Variants in PDE4B observed in about 807,000 individuals in gnomAD.
PDE4B encodes the protein 3',5'-cyclic-AMP phosphodiesterase 4B.
Under a neutral mutation model 82.2 loss-of-function variants are expected in PDE4B, and 20 were observed. That is an observed-to-expected ratio of 0.24 (90% CI 0.17 to 0.35). The LOEUF (loss-of-function observed/expected upper bound fraction) is 0.35. PDE4B is among the 10% of genes least tolerant of loss of function. The pLI is 1.00. For missense variants in PDE4B, 655 were observed against 907.2 expected (o/e 0.72, Z 3.57); for synonymous variants, 320 against 318.9 (o/e 1.00, Z -0.04).
At chr1:66,002,512 T>C (rs1651920574) in intron 3 of PDE4B, among the ~76,000 whole-genome samples, 1 of 152,008 alleles carries the variant, frequency 6.6e-6, no homozygotes, top group Non-Finnish European at 1.5e-5. Context: ...TAAGAGATGA[T>C]GTCTATAAGA....
chr1:66,064,630 G>A (rs1468016027), intron 3 of PDE4B, among the ~76,000 whole-genome samples: 2 of 151,800 alleles, frequency 1.3e-5, no homozygotes, highest in East Asian at 1.9e-4. Context: ...TTTTCCTCAG[G>A]GCTGTTTTCC....
chr1:66,201,448 A>G (rs1648941243), intron 3 of PDE4B, among the ~76,000 whole-genome samples: 2 of 152,144 alleles, frequency 1.3e-5, no homozygotes, highest in South Asian at 4.1e-4. Flanking sequence ...TACCTCTGGT[A>G]GAATTTGGCT....
intron 3 of PDE4B, among the ~76,000 whole-genome samples, chr1:66,048,212 C>T (rs189656386): frequency 6.6e-6 from 1 of 151,892 alleles, no homozygotes; most frequent in Non-Finnish European, 1.5e-5. Flanking sequence ...GATCACTAAA[C>T]TTCCATTATC....
At chr1:65,940,814 T>C (rs1648404813) in intron 3 of PDE4B, among the ~76,000 whole-genome samples, 2 of 152,088 alleles carry the variant, frequency 1.3e-5, no homozygotes, top group South Asian at 4.1e-4. Context: ...ATTAGGTGTA[T>C]GAATCTGGGT....
Position 65,841,009 on chromosome 1 carries a change from C to T in PDE4B, c.-71+47761C>T, listed in dbSNP as rs549383520. On this transcript the variant is annotated intron_variant, in intron 1 of 16. Transcript: ENST00000341517. ...ACAATATTCGAATGAAATCATTGTACTTAGAGGCCAGGCACGGTTGTTTAC... is the reference window on the plus strand; with the variant it reads ...ACAATATTCGAATGAAATCATTGTATTTAGAGGCCAGGCACGGTTGTTTAC... Among the ~76,000 whole-genome samples, 4 of 152,184 alleles carry T rather than the reference C, an allele frequency of 2.6e-5. No individual in the cohort carries two copies. The South Asian group carries it at 8.3e-4, about 32-fold the overall frequency.
intron 1 of PDE4B, among the ~76,000 whole-genome samples, chr1:65,866,764 A>G (rs551990202): frequency 7.0e-4 from 107 of 152,358 alleles, no homozygotes; most frequent in Non-Finnish European, 1.1e-3. Flanking sequence ...CTGCTGGAGA[A>G]ATGGTATCTT....
Position 66,332,533 on chromosome 1 carries a change from G to A in PDE4B, c.660G>A (p.Met220Ile), listed in dbSNP as rs1444594808. Residue 220 changes from methionine (M) to isoleucine (I), a missense_variant, in exon 8 of 17, where the codon ATG (methionine) becomes ATA (isoleucine). Around this residue, in one of 3 missense-constraint regions of PDE4B, gnomAD observed 253 missense variants for 275.6 expected, o/e 0.92. Transcript: ENST00000341517. ...AAGAATCTTATCAAAAATTAGCAATGGAAACGCTGGAGGAATTAGACTGGT... is the reference window on the plus strand; with the variant it reads ...AAGAATCTTATCAAAAATTAGCAATAGAAACGCTGGAGGAATTAGACTGGT... ...PQEESYQKLA[M>I]ETLEELDWCL... The A allele has an allele frequency of 6.2e-7, 1 of 1,614,132 alleles. No individual in the cohort carries two copies. Among genetic ancestry groups the A allele is most frequent in the Admixed American group, 1.7e-5 (1 of 60,026 alleles).
chr1:66,280,002 A>G (rs973701415), intron 7 of PDE4B, among the ~76,000 whole-genome samples: 1 of 152,222 alleles, frequency 6.6e-6, no homozygotes, highest in African/African-American at 2.4e-5. Flanking sequence ...AAGTCAGCAC[A>G]TACAACTAAT....
chr1:66,279,324 AAGG>A (rs768653947), intron 7 of PDE4B, among the ~76,000 whole-genome samples: 1 of 152,136 alleles, frequency 6.6e-6, no homozygotes, highest in Non-Finnish European at 1.5e-5. Flanking sequence ...AGCCAAGAGG[AAGG>A]AGGAGTACTT....
intron 3 of PDE4B, among the ~76,000 whole-genome samples, chr1:66,068,388 CAGAATTGATGA>C (rs1244918726): frequency 6.6e-6 from 1 of 151,868 alleles, no homozygotes; most frequent in African/African-American, 2.4e-5. Flanking sequence ...AATATAGAAA[CAGAATTGATGA>C]AGAATTGATA....
At chr1:66,204,922 C>T (rs961232871) in intron 3 of PDE4B, among the ~76,000 whole-genome samples, 1 of 152,206 alleles carries the variant, frequency 6.6e-6, no homozygotes, top group Non-Finnish European at 1.5e-5. Context: ...GCAGAAATCA[C>T]CCGTCTTCTG....
intron 1 of PDE4B, among the ~76,000 whole-genome samples, chr1:65,838,259 T>A (rs1646164231): frequency 6.6e-6 from 1 of 152,028 alleles, no homozygotes; most frequent in South Asian, 2.1e-4. Context: ...GCATTTGTTA[T>A]TTTGTGTTCT....
In PDE4B at chr1:66,257,047, C is replaced by T. The variant is rs181132402; in HGVS notation, c.477-600C>T. Among the ~76,000 whole-genome samples the T allele has an allele frequency of 7.9e-5, 12 of 152,244 alleles. No individual in the cohort carries two copies. In the East Asian group the frequency reaches 1.5e-3, roughly 20 times the overall value. On this transcript the variant is annotated intron_variant, in intron 4 of 16. Transcript: ENST00000341517. ...GTACAGCTTAATCTGTTCTTTGGGACAAAATGGAGTGACAATGGTATGATT... is the reference window on the plus strand; with the variant it reads ...GTACAGCTTAATCTGTTCTTTGGGATAAAATGGAGTGACAATGGTATGATT...
intron 3 of PDE4B, among the ~76,000 whole-genome samples, chr1:66,203,863 C>T (rs1314855710): frequency 2.6e-5 from 4 of 152,204 alleles, no homozygotes; most frequent in South Asian, 2.1e-4. Context: ...AGTCATTCTC[C>T]GTCCAGCTTT....
At chr1:65,978,830 T>C (rs1479772113) in intron 3 of PDE4B, among the ~76,000 whole-genome samples, 1 of 152,184 alleles carries the variant, frequency 6.6e-6, no homozygotes, top group Non-Finnish European at 1.5e-5. Context: ...TTTATGCAGA[T>C]TTATAGGTCT....
chr1:66,005,005 G>C (rs949350882), intron 3 of PDE4B, among the ~76,000 whole-genome samples: 4 of 151,988 alleles, frequency 2.6e-5, no homozygotes, highest in Non-Finnish European at 5.9e-5. Context: ...GTATGGTTGA[G>C]AAGCATGGGA....
At chr1:65,860,794 C>A (rs957194009) in intron 1 of PDE4B, among the ~76,000 whole-genome samples, 7 of 152,124 alleles carry the variant, frequency 4.6e-5, no homozygotes, top group African/African-American at 1.7e-4. Flanking sequence ...CCTCTAATGA[C>A]CAGTGAAGAT....
At chr1:65,917,441 C>T (rs1307268791) in intron 2 of PDE4B, among the ~76,000 whole-genome samples, 3 of 152,120 alleles carry the variant, frequency 2.0e-5, no homozygotes, top group Non-Finnish European at 4.4e-5. Flanking sequence ...TCCCTGCTAG[C>T]TAAGTGTGAA....
At chr1:65,809,107 G>A (rs1193234843) in intron 1 of PDE4B, among the ~76,000 whole-genome samples, 2 of 151,968 alleles carry the variant, frequency 1.3e-5, no homozygotes, top group African/African-American at 4.8e-5. Flanking sequence ...GAGGCGGGTG[G>A]ATCACTTGAG....
Sources: allele counts gnomAD v4.1 joint callset (sites outside exome capture counted in the v4.1 genomes callset), GRCh38; gene constraint gnomAD v4.1.1; regional missense constraint gnomAD v4.1.1; transcripts MANE v1.5; gene names NCBI Gene and HGNC (gene_info 2026-07-23, HGNC 2026-07-21).